Variants in MAML3 observed in about 807,000 individuals in gnomAD.
MAML3 encodes mastermind like transcriptional coactivator 3.
MAML3 carries 27 observed loss-of-function variants against 101.9 expected under a neutral mutation model. The observed-to-expected ratio is 0.27, with a 90% CI of 0.20 to 0.37. MAML3 has a LOEUF of 0.37. Ranked by LOEUF, MAML3 falls within the 10% of genes least tolerant of loss-of-function variation. The pLI, the probability that MAML3 is intolerant of heterozygous loss-of-function variation, is 1.00. For synonymous variants in MAML3, 501 were observed against 555.9 expected (o/e 0.90, Z 1.39); for missense variants, 1,316 against 1,444.9 (o/e 0.91, Z 1.45).
At chr4:140,089,410 A>C (rs1382554974) in intron 1 of MAML3, among the ~76,000 whole-genome samples, 4 of 152,202 alleles carry the variant, frequency 2.6e-5, no homozygotes, top group African/African-American at 7.2e-5. Flanking sequence ...TCATAGTTGG[A>C]ATTCCAAGTT....
At chr4:139,822,417 C>T (rs979689094) in intron 2 of MAML3, among the ~76,000 whole-genome samples, 2 of 152,148 alleles carry the variant, frequency 1.3e-5, no homozygotes, top group African/African-American at 4.8e-5. Flanking sequence ...GGGTATCAGG[C>T]CTCCTGAAAT....
chr4:139,948,973 T>C (rs188006886), intron 1 of MAML3, among the ~76,000 whole-genome samples: 1 of 152,160 alleles, frequency 6.6e-6, no homozygotes, highest in Non-Finnish European at 1.5e-5. Context: ...CTACGCCTTA[T>C]TGACATGCTT....
intron 1 of MAML3, among the ~76,000 whole-genome samples, chr4:139,921,216 C>CCAACT (rs760506631): frequency 3.3e-5 from 5 of 152,156 alleles, no homozygotes; most frequent in Non-Finnish European, 4.4e-5. Context: ...ACACGAACTC[C>CCAACT]CAACTCACAT....
intron 1 of MAML3, among the ~76,000 whole-genome samples, chr4:139,971,258 C>T (rs1053311266): frequency 1.4e-4 from 21 of 152,338 alleles, no homozygotes; most frequent in African/African-American, 4.8e-4. Flanking sequence ...TCATCACGAG[C>T]CTCCCAGGCC....
At position 139,863,832 on chromosome 4, in the gene MAML3, G is replaced by GTTTTTTT. The variant is rs58270046; in HGVS notation, c.2079+25518_2079+25524dup. ...TTTCTGTGGTAATACCAGAACATGG[G>GTTTTTTT]TTTTTTTTTTTTTTTTTTTTTTTTG... On this transcript the variant is annotated intron_variant, in intron 2 of 4. Transcript: ENST00000509479. Among the ~76,000 whole-genome samples, 16 of 111,294 alleles carry GTTTTTTT rather than the reference G, an allele frequency of 1.4e-4. 1 individual carries two copies. The highest frequency in any genetic ancestry group is 3.4e-4 in the African/African-American group (12 of 34,860). 73.0% of individuals were successfully genotyped at this position (111,294 alleles called of 152,430 possible).
intron 1 of MAML3, among the ~76,000 whole-genome samples, chr4:140,104,322 C>A (rs1480705878): frequency 1.1e-5 from 1 of 88,972 alleles, no homozygotes; most frequent in Non-Finnish European, 2.2e-5. Context: ...GAGGTCAAGG[C>A]TGCAGTGAGC....
intron 1 of MAML3, among the ~76,000 whole-genome samples, chr4:140,023,450 G>A (rs1386443985): frequency 1.3e-5 from 2 of 152,172 alleles, no homozygotes; most frequent in African/African-American, 4.8e-5. Flanking sequence ...CATCACCCAG[G>A]AGCAGCCTAG....
intron 1 of MAML3, among the ~76,000 whole-genome samples, chr4:140,023,403 T>C (rs570302878): frequency 3.3e-5 from 5 of 152,286 alleles, no homozygotes; most frequent in South Asian, 2.1e-4. Context: ...TGAGTGAGCA[T>C]GTGCCCTCCT....
rs1732455538 is a variant in MAML3 at position 139,890,548 on chromosome 4, G to A, written c.888C>T (p.Asn296=). The change falls in exon 2 of 5, where the codon AAC becomes AAT. Residue 296 remains asparagine, a synonymous_variant. Transcript: ENST00000509479. This position sits in a 1 kb window ranked among gnomAD's most constrained non-coding sequence, Gnocchi z 4.1. ...TCAGATTAATGTCTGAGAACAGCTT[G>A]TTCTGATTTGAAAGAGATGTTTCTG... ...DTSETSLSNQ[N]KLFSDINLND... is the part of the protein sequence containing the mutation. The A allele has an allele frequency of 1.2e-6, 2 of 1,614,000 alleles. No individual in the cohort carries two copies. The highest frequency in any genetic ancestry group is 1.7e-6 in the Non-Finnish European group (2 of 1,179,890).
At chr4:139,798,280 G>A (rs964232918) in intron 2 of MAML3, among the ~76,000 whole-genome samples, 1 of 152,138 alleles carries the variant, frequency 6.6e-6, no homozygotes, top group African/African-American at 2.4e-5. Flanking sequence ...TAACTATTAG[G>A]TTGAGCCATA....
At chr4:140,002,852 G>A (rs1375514261) in intron 1 of MAML3, among the ~76,000 whole-genome samples, 2 of 152,216 alleles carry the variant, frequency 1.3e-5, no homozygotes, top group Non-Finnish European at 2.9e-5. Flanking sequence ...CACTTACACA[G>A]TGACCCTTGT....
chr4:140,008,398 G>A (rs565941575), intron 1 of MAML3, among the ~76,000 whole-genome samples: 1 of 152,268 alleles, frequency 6.6e-6, no homozygotes, highest in Admixed American at 6.5e-5. Flanking sequence ...GTGTTTACAG[G>A]TTTCTGACCT....
At chr4:139,991,478 T>A (rs1734671063) in intron 1 of MAML3, among the ~76,000 whole-genome samples, 1 of 152,160 alleles carries the variant, frequency 6.6e-6, no homozygotes, top group Admixed American at 6.5e-5. Flanking sequence ...ACCAAACTAT[T>A]TCTAATAATC....
chr4:139,930,677 C>T (rs1442093613), intron 1 of MAML3, among the ~76,000 whole-genome samples: 3 of 152,122 alleles, frequency 2.0e-5, no homozygotes, highest in Non-Finnish European at 2.9e-5. Flanking sequence ...ACACACTCTC[C>T]CCTCAGTCAC....
At chr4:139,844,773 T>A (rs976494093) in intron 2 of MAML3, among the ~76,000 whole-genome samples, 4 of 152,130 alleles carry the variant, frequency 2.6e-5, no homozygotes, top group African/African-American at 4.8e-5. Context: ...AATAGTGGGA[T>A]GACATAAAAT....
intron 2 of MAML3, among the ~76,000 whole-genome samples, chr4:139,763,441 AC>A (rs1238749352): frequency 1.3e-5 from 2 of 152,322 alleles, no homozygotes; most frequent in East Asian, 3.9e-4. Context: ...AAAGAGGCAC[AC>A]GGTATTCAAA....
intron 2 of MAML3, among the ~76,000 whole-genome samples, chr4:139,880,826 A>T (rs1011101695): frequency 1.4e-4 from 22 of 152,240 alleles, no homozygotes; most frequent in African/African-American, 5.1e-4. Flanking sequence ...AGCCTCTGGT[A>T]GAATGAACAC....
intron 1 of MAML3, among the ~76,000 whole-genome samples, chr4:140,078,536 G>C (rs1727813175): frequency 6.6e-6 from 1 of 152,134 alleles, no homozygotes; most frequent in Non-Finnish European, 1.5e-5. Flanking sequence ...GCCACAGGAT[G>C]GGGGAGGGTG....
intron 1 of MAML3, among the ~76,000 whole-genome samples, chr4:140,067,245 G>T (rs1484017713): frequency 2.6e-5 from 4 of 151,994 alleles, no homozygotes; most frequent in Non-Finnish European, 5.9e-5. Context: ...AAGAAACAGA[G>T]AGAGAATAAG....
Sources: allele counts gnomAD v4.1 joint callset (sites outside exome capture counted in the v4.1 genomes callset), GRCh38; gene constraint gnomAD v4.1.1; non-coding constraint Gnocchi (gnomAD v3.1); transcripts MANE v1.5; gene names NCBI Gene and HGNC (gene_info 2026-07-23, HGNC 2026-07-21).